R3HDM1: variants seen among roughly 807,000 people sequenced by gnomAD.
R3HDM1 encodes R3H domain containing 1, also known as R3H domain-containing protein 1.
A neutral mutation model predicts 141.1 loss-of-function variants in R3HDM1; 46 were observed. The observed-to-expected ratio is 0.33, with a 90% CI of 0.26 to 0.42. The LOEUF (loss-of-function observed/expected upper bound fraction) is 0.42. R3HDM1 is among the 10% of genes least tolerant of loss of function. The probability of loss-of-function intolerance (pLI) is 1.00; values close to 1 mark genes in which losing one functional copy is unlikely to be tolerated. For missense variants in R3HDM1, 1,184 were observed against 1,368.3 expected (o/e 0.87, Z 2.12); for synonymous variants, 435 against 472.9 (o/e 0.92, Z 1.04).
intron 23 of R3HDM1, among the ~76,000 whole-genome samples, chr2:135,710,525 A>G (rs1156586485): frequency 2.0e-5 from 3 of 152,028 alleles, no homozygotes; most frequent in African/African-American, 7.2e-5. Flanking sequence ...TGGTGGTAGC[A>G]TGCATCCCAG....
chr2:135,638,776 C>T lies in R3HDM1; in HGVS notation c.979C>T (p.Arg327Cys), dbSNP rs1324038149. The T allele has an allele frequency of 2.5e-6, 4 of 1,613,794 alleles. No homozygotes were observed. Among genetic ancestry groups the T allele is most frequent in the East Asian group, 2.2e-5 (1 of 44,890 alleles). Residue 327 changes from arginine to cysteine, a missense_variant, in exon 13 of 27, where the codon CGC becomes TGC. Physicochemically the swap from Arg to Cys is radical, Grantham distance 180. Around this residue, in one of 5 missense-constraint regions of R3HDM1, gnomAD observed 240 missense variants for 312.3 expected, o/e 0.77. Transcript: ENST00000683871. ...GGATGCCAGTAGTACCCAGCAGAGGCGCCAGATATTTAGGTATTGGAAGCA... is the reference window on the plus strand; with the variant it reads ...GGATGCCAGTAGTACCCAGCAGAGGTGCCAGATATTTAGGTATTGGAAGCA... The part of the protein sequence containing the change: ...DEDASSTQQR[R>C]QIFRVNKDAS...
intron 19 of R3HDM1, among the ~76,000 whole-genome samples, chr2:135,666,345 C>T (rs1165876442): frequency 6.6e-6 from 1 of 152,160 alleles, no homozygotes; most frequent in Non-Finnish European, 1.5e-5. Context: ...TGACAACTTT[C>T]AATCCAAGTA....
intron 21 of R3HDM1, among the ~76,000 whole-genome samples, chr2:135,695,457 A>C (rs1225553091): frequency 6.6e-6 from 1 of 152,224 alleles, no homozygotes; most frequent in Non-Finnish European, 1.5e-5. Flanking sequence ...AAGAGAGAAA[A>C]GGGAAAAAAA....
At chr2:135,662,433 T>C (rs1274656324) in intron 19 of R3HDM1, among the ~76,000 whole-genome samples, 1 of 152,228 alleles carries the variant, frequency 6.6e-6, no homozygotes, top group Non-Finnish European at 1.5e-5. Flanking sequence ...GTGCTAGATA[T>C]AGTTCATGCT....
intron 1 of R3HDM1, among the ~76,000 whole-genome samples, chr2:135,578,511 G>A (rs1389832294): frequency 6.6e-6 from 1 of 152,110 alleles, no homozygotes; most frequent in African/African-American, 2.4e-5. Context: ...GTAGTCTCCA[G>A]AAATAACATA....
At chr2:135,597,564 T>C (rs1353386681) in intron 1 of R3HDM1, among the ~76,000 whole-genome samples, 1 of 152,224 alleles carries the variant, frequency 6.6e-6, no homozygotes, top group Non-Finnish European at 1.5e-5. Flanking sequence ...TTGATATGGG[T>C]TGCTTTTGTG....
At chr2:135,649,845 A>G (rs1483157551) in intron 16 of R3HDM1, 57 bp from the exon 17 acceptor site, 3 of 1,030,002 alleles carry the variant, frequency 2.9e-6, no homozygotes, top group Admixed American at 4.1e-5. Flanking sequence ...GTTTTATGCA[A>G]TTCTTCTAAC....
intron 21 of R3HDM1, among the ~76,000 whole-genome samples, chr2:135,691,339 C>T (rs1374217974): frequency 1.3e-5 from 2 of 152,140 alleles, no homozygotes; most frequent in Non-Finnish European, 2.9e-5. Context: ...TTAGGCTGGG[C>T]ATGGTGGCTC....
chr2:135,673,382 CAT>C (rs1181355943), intron 19 of R3HDM1, among the ~76,000 whole-genome samples: 2 of 152,144 alleles, frequency 1.3e-5, no homozygotes, highest in Non-Finnish European at 2.9e-5. Context: ...AAAAAGGTCT[CAT>C]GTTCACATTT....
intron 19 of R3HDM1, among the ~76,000 whole-genome samples, chr2:135,664,019 G>A (rs139103196): frequency 0.029 from 4,041 of 138,708 alleles, 167 homozygotes; most frequent in African/African-American, 0.097. Flanking sequence ...GGGCAACAGA[G>A]TGAGACTGTC....
chr2:135,533,811 A>G (rs1165866425), intron 1 of R3HDM1: 1 of 178,738 alleles, frequency 5.6e-6, no homozygotes, highest in Non-Finnish European at 1.1e-5. Context: ...CCTGGGAGGC[A>G]GCGGTGAGCC....
At chr2:135,593,146 C>G (rs1709729436) in intron 1 of R3HDM1, among the ~76,000 whole-genome samples, 1 of 152,070 alleles carries the variant, frequency 6.6e-6, no homozygotes, top group South Asian at 2.1e-4. Flanking sequence ...TCTCGAACTC[C>G]TGACCTCAAG....
rs1000084784 is a variant in R3HDM1, at chr2:135,531,610, G to GCCT, written c.-262_-260dup. 3.0e-6 allele frequency: 3 copies of GCCT among 986,894 alleles called. No homozygotes were observed. The highest frequency in any genetic ancestry group is 4.7e-5 in the South Asian group (1 of 21,422). The allele number at this position is 986,894 out of a possible 1,614,324, so 61.1% of individuals were successfully genotyped here. Reference sequence around the variant, plus strand: ...CGCCCCGCCGCGCCGCGCTCCAACCGCCTCCTCCTCCTCAGTAACGCGGGT... The same window carrying GCCT: ...CGCCCCGCCGCGCCGCGCTCCAACCGCCTCCTCCTCCTCCTCAGTAACGCGGGT... On this transcript the variant is annotated 5_prime_UTR_variant, in exon 1 of 27. Coordinates refer to ENST00000683871, the MANE Select transcript of R3HDM1 (RefSeq NM_001378107.1).
intron 3 of R3HDM1, among the ~76,000 whole-genome samples, chr2:135,608,260 G>T (rs1380978083): frequency 2.0e-5 from 3 of 151,990 alleles, no homozygotes; most frequent in African/African-American, 7.3e-5. Context: ...AGGTTGCAGT[G>T]AACCGAGATC....
At chr2:135,714,990 T>A (rs1486562589) in intron 23 of R3HDM1, among the ~76,000 whole-genome samples, 1 of 152,216 alleles carries the variant, frequency 6.6e-6, no homozygotes, top group Admixed American at 6.5e-5. Flanking sequence ...AAGCAAGTTT[T>A]GAAAGTAGGA....
At chr2:135,677,523 G>T (rs1216041450) in intron 20 of R3HDM1, among the ~76,000 whole-genome samples, 1 of 152,046 alleles carries the variant, frequency 6.6e-6, no homozygotes, top group Non-Finnish European at 1.5e-5. Context: ...TCTAGTAAGA[G>T]AAATGTCATT....
intron 1 of R3HDM1, among the ~76,000 whole-genome samples, chr2:135,582,280 G>A (rs1214834860): frequency 2.6e-5 from 4 of 152,162 alleles, no homozygotes; most frequent in East Asian, 3.8e-4. Context: ...GCAGTGAGCC[G>A]AGATTGCACC....
chr2:135,684,440 T>C (rs569626285), intron 21 of R3HDM1, among the ~76,000 whole-genome samples: 8 of 152,336 alleles, frequency 5.3e-5, no homozygotes, highest in Non-Finnish European at 1.0e-4. Flanking sequence ...TATATGTACA[T>C]AGACATCATT....
chr2:135,638,960 A>G lies in R3HDM1; in HGVS notation c.1057A>G (p.Lys353Glu), dbSNP rs763571441. 1.2e-6 allele frequency: 2 copies of G among 1,614,188 alleles called. No individual in the cohort carries two copies. The highest frequency in any genetic ancestry group is 1.7e-6 in the Non-Finnish European group (2 of 1,180,030). The part of the protein sequence containing the change: ...SHQSSTENEL[K>E]YSEPRPWSST... ...TCAAAGCAGCACTGAGAATGAGTTGAAGTACTCGGAACCACGACCCTGGAG... is the reference window on the plus strand; with the variant it reads ...TCAAAGCAGCACTGAGAATGAGTTGGAGTACTCGGAACCACGACCCTGGAG... The change falls in exon 14 of 27, where the codon AAG becomes GAG. Residue 353 changes from lysine to glutamate, a missense_variant. By Grantham distance (56) the Lys-to-Glu change is moderately conservative (BLOSUM62 1). Coordinates refer to ENST00000683871, the MANE Select transcript of R3HDM1 (RefSeq NM_001378107.1).
Sources: gnomAD v4.1 joint callset for allele counts (sites outside exome capture counted in the v4.1 genomes callset) on GRCh38, gnomAD v4.1.1 for gene constraint, gnomAD v4.1.1 regional missense constraint, MANE v1.5 for transcripts, NCBI Gene and HGNC (gene_info 2026-07-23, HGNC 2026-07-21) for gene names.